The following CADM2 variants were observed in gnomAD, a reference collection of about 807,000 sequenced individuals.
CADM2 encodes the protein immunoglobulin superfamily member 4D.
A neutral mutation model predicts 49.8 loss-of-function variants in CADM2; 12 were observed. The ratio of observed to expected loss-of-function variants is 0.24; its 90% CI spans 0.15 to 0.39. The LOEUF is 0.39. Among genes scored for constraint, CADM2 ranks in the 10% least tolerant of loss-of-function variants. The pLI is 1.00. For missense variants in CADM2, 378 were observed against 492.3 expected (o/e 0.77, Z 2.20); for synonymous variants, 214 against 175.4 (o/e 1.22, Z -1.74).
At chr3:85,568,469 C>CTTTCTCTTTCTCTCTT (rs374134738) in intron 1 of CADM2, among the ~76,000 whole-genome samples, 1 of 11,156 alleles carries the variant, frequency 9.0e-5, no homozygotes, top group African/African-American at 1.5e-4. Context: ...CTTTCTCTTT[C>CTTTCTCTTTCTCTCTT]TCTCTCTTTC....
intron 1 of CADM2, among the ~76,000 whole-genome samples, chr3:85,651,082 T>G (rs2107581144): frequency 6.6e-6 from 1 of 152,002 alleles, no homozygotes; most frequent in Non-Finnish European, 1.5e-5. Context: ...AAACAATTTA[T>G]TTTAATACAT....
intron 8 of CADM2, among the ~76,000 whole-genome samples, chr3:86,018,034 C>A (rs865793230): frequency 1.8e-3 from 199 of 111,200 alleles, no homozygotes; most frequent in African/African-American, 6.2e-3. Context: ...CCCCTCCCCC[C>A]ACCCCACAAC....
intron 1 of CADM2, among the ~76,000 whole-genome samples, chr3:85,553,602 C>T (rs928398018): frequency 2.0e-5 from 3 of 152,076 alleles, no homozygotes; most frequent in African/African-American, 7.2e-5. Context: ...GAGCCGTGGT[C>T]CTCAAGCTTT....
intron 8 of CADM2, among the ~76,000 whole-genome samples, chr3:86,048,946 T>C (rs957314015): frequency 6.6e-6 from 1 of 152,200 alleles, no homozygotes; most frequent in African/African-American, 2.4e-5. Context: ...CTAGGATTCA[T>C]AATCAGGGTC....
At chr3:85,590,678 G>C (rs1332879053) in intron 1 of CADM2, among the ~76,000 whole-genome samples, 1 of 151,818 alleles carries the variant, frequency 6.6e-6, no homozygotes, top group Non-Finnish European at 1.5e-5. Flanking sequence ...AAAATAATGG[G>C]TGAAAAGGGT....
chr3:85,172,113 C>T (rs1239112328), intron 1 of CADM2, among the ~76,000 whole-genome samples: 1 of 152,116 alleles, frequency 6.6e-6, no homozygotes, highest in Non-Finnish European at 1.5e-5. Context: ...ACTAAAGTTG[C>T]AGAGCATTGC....
chr3:86,050,234 T>C (rs1578063876), intron 8 of CADM2, among the ~76,000 whole-genome samples: 1 of 152,204 alleles, frequency 6.6e-6, no homozygotes, highest in East Asian at 1.9e-4. Context: ...CATTAAATCT[T>C]AAAGCTTCAA....
At chr3:85,324,467 A>C (rs1204839958) in intron 1 of CADM2, among the ~76,000 whole-genome samples, 3 of 152,170 alleles carry the variant, frequency 2.0e-5, no homozygotes, top group Non-Finnish European at 4.4e-5. Flanking sequence ...GTCTGAAAAA[A>C]GTACATCACC....
intron 1 of CADM2, among the ~76,000 whole-genome samples, chr3:85,682,922 A>T (rs943942640): frequency 1.1e-4 from 16 of 152,192 alleles, no homozygotes; most frequent in East Asian, 3.9e-4. Context: ...TTCAGAGCCT[A>T]GAAGATTTTG....
intron 1 of CADM2, among the ~76,000 whole-genome samples, chr3:85,321,398 T>C (rs1044715328): frequency 2.3e-4 from 35 of 151,774 alleles, no homozygotes; most frequent in African/African-American, 8.0e-4. Context: ...TTGGCCAGGC[T>C]GGTCTCAAAC....
intron 1 of CADM2, among the ~76,000 whole-genome samples, chr3:85,247,332 A>C (rs1390497240): frequency 6.6e-6 from 1 of 152,138 alleles, no homozygotes; most frequent in Non-Finnish European, 1.5e-5. Context: ...TTAGTTGCTC[A>C]AAGTATGAGA....
chr3:85,110,524 C>G (rs2038410657), intron 1 of CADM2, among the ~76,000 whole-genome samples: 1 of 151,744 alleles, frequency 6.6e-6, no homozygotes, highest in South Asian at 2.1e-4. Flanking sequence ...AAAATGATTA[C>G]AAATCATATG....
At chr3:85,772,798 CT>C (rs67332260) in intron 2 of CADM2, among the ~76,000 whole-genome samples, 21,801 of 143,426 alleles carry the variant, frequency 0.15, 1,966 homozygotes, top group Non-Finnish European at 0.21. Context: ...GCTATGTTTT[CT>C]TTTTTTTTTT....
intron 8 of CADM2, among the ~76,000 whole-genome samples, chr3:86,002,658 G>A (rs1054448431): frequency 2.6e-5 from 4 of 152,080 alleles, no homozygotes; most frequent in Admixed American, 6.6e-5. Context: ...CTGATACATA[G>A]GTCTAAGTTT....
intron 1 of CADM2, among the ~76,000 whole-genome samples, chr3:85,538,817 T>G (rs1307758752): frequency 6.6e-6 from 1 of 152,090 alleles, no homozygotes; most frequent in African/African-American, 2.4e-5. Context: ...AGAGAGGTGA[T>G]GGCTGGGATA....
intron 1 of CADM2, among the ~76,000 whole-genome samples, chr3:85,396,145 C>T (rs2034776968): frequency 1.3e-5 from 2 of 151,484 alleles, no homozygotes; most frequent in Admixed American, 6.6e-5. Context: ...GAAGATGTAA[C>T]AATTTTTGTG....
chr3:85,784,051 C>T (rs925756582), intron 2 of CADM2, among the ~76,000 whole-genome samples: 10 of 152,152 alleles, frequency 6.6e-5, no homozygotes, highest in African/African-American at 2.2e-4. Context: ...CACACACATG[C>T]GTGCATGCAC....
rs150045586 is a variant in CADM2, at chr3:85,524,543, C to T, written c.62-201979C>T. 8.5e-5 allele frequency among the ~76,000 whole-genome samples: 13 copies of T among 152,204 alleles called. No homozygotes were observed. In the East Asian group the frequency reaches 2.3e-3, roughly 27 times the overall value. ...AAATTCAATAAAATTTGTTGTATGG[C>T]TTAGCACGTGTTCTATCTTCATAAA... is the stretch of plus-strand genomic sequence containing the variant. On this transcript the variant is annotated intron_variant, in intron 1 of 9. Coordinates refer to ENST00000383699, the MANE Select transcript of CADM2 (RefSeq NM_001167675.2).
chr3:85,399,983 A>G (rs529350646), intron 1 of CADM2, among the ~76,000 whole-genome samples: 40 of 151,544 alleles, frequency 2.6e-4, no homozygotes, highest in African/African-American at 8.9e-4. Flanking sequence ...CTGATTCACT[A>G]TGTTGAATAG....
Sources: allele counts gnomAD v4.1 joint callset (sites outside exome capture counted in the v4.1 genomes callset), GRCh38; gene constraint gnomAD v4.1.1; transcripts MANE v1.5; gene names NCBI Gene and HGNC (gene_info 2026-07-23, HGNC 2026-07-21).